The following TRIM9 variants were observed in gnomAD, a reference collection of about 807,000 sequenced individuals.
TRIM9 encodes tripartite motif containing 9, also known as E3 ubiquitin-protein ligase TRIM9.
In TRIM9, 26 loss-of-function variants were observed where a neutral mutation model predicts 78.3. The observed-to-expected ratio is 0.33, with a 90% CI of 0.24 to 0.46. The LOEUF (loss-of-function observed/expected upper bound fraction) is 0.46, where lower values mean the gene tolerates loss of function less well. Among genes scored for constraint, TRIM9 ranks in the 20% least tolerant of loss-of-function variants. The pLI, the probability that TRIM9 is intolerant of heterozygous loss-of-function variation, is 1.00. For synonymous variants in TRIM9, 398 were observed against 416.5 expected (o/e 0.96, Z 0.54); for missense variants, 787 against 1,036.4 (o/e 0.76, Z 3.30).
chr14:51,030,328 G>A (rs1264361288), intron 1 of TRIM9, among the ~76,000 whole-genome samples: 1 of 152,186 alleles, frequency 6.6e-6, no homozygotes, highest in Non-Finnish European at 1.5e-5. Flanking sequence ...TGCACCTTTA[G>A]TGCCTGCAAG....
In TRIM9 at chr14:51,010,453, G is replaced by A. The variant is rs1387563668; in HGVS notation, c.1083C>T (p.Arg361=). The A allele has an allele frequency of 6.2e-7, 1 of 1,613,734 alleles. No individual in the cohort carries two copies. Among genetic ancestry groups the A allele is most frequent in the African/African-American group, 1.3e-5 (1 of 74,840 alleles). ...AGTACTCCATGAGACCTGTGGTCTGGCGCAATTTCACTGTGCAGTGAGAGA... is the reference window on the plus strand; with the variant it reads ...AGTACTCCATGAGACCTGTGGTCTGACGCAATTTCACTGTGCAGTGAGAGA... ...DQISHCTVKL[R]QTTGLMEYCL... Residue 361 remains arginine, a synonymous_variant, in exon 4 of 13, where the codon CGC becomes CGT. Transcript: ENST00000684578.
intron 1 of TRIM9, among the ~76,000 whole-genome samples, chr14:51,039,236 G>A (rs1011422166): frequency 9.2e-5 from 14 of 152,314 alleles, no homozygotes; most frequent in Middle Eastern, 3.4e-3. Flanking sequence ...TACTGAGAGT[G>A]TTAAAATGGT....
At chr14:51,089,672 G>C (rs2064125720) in intron 1 of TRIM9, among the ~76,000 whole-genome samples, 1 of 152,134 alleles carries the variant, frequency 6.6e-6, no homozygotes, top group African/African-American at 2.4e-5. Context: ...ATAAATCTTT[G>C]TATAGTATTC....
At chr14:50,995,773 GA>G (rs71121617) in intron 7 of TRIM9, among the ~76,000 whole-genome samples, 1,853 of 147,726 alleles carry the variant, frequency 0.013, 41 homozygotes, top group African/African-American at 0.043. Flanking sequence ...TACCAGCAAA[GA>G]AAAAAAAAAT....
intron 8 of TRIM9, among the ~76,000 whole-genome samples, chr14:50,984,448 C>T (rs1163691178): frequency 1.3e-5 from 2 of 152,182 alleles, no homozygotes; most frequent in African/African-American, 2.4e-5. Context: ...GATGAATTCA[C>T]ATGCAAAAGA....
intron 7 of TRIM9, chr14:50,988,479 A>G (rs1458662927): frequency 6.6e-6 from 1 of 151,860 alleles, no homozygotes; most frequent in East Asian, 1.9e-4. Flanking sequence ...CTATCCTTCC[A>G]TGTGGATCCA....
intron 8 of TRIM9, 90 bp downstream of exon 8, chr14:50,985,866 C>T: frequency 8.4e-7 from 1 of 1,186,788 alleles, no homozygotes; most frequent in Non-Finnish European, 1.1e-6. Flanking sequence ...CCCCTCACCA[C>T]GCACATGAAT....
At chr14:51,020,375 G>A (rs937943074) in intron 3 of TRIM9, among the ~76,000 whole-genome samples, 1 of 152,176 alleles carries the variant, frequency 6.6e-6, no homozygotes. Context: ...GCTGAAAACA[G>A]CAGAAAAACA....
chr14:51,061,733 T>C (rs554123541), intron 1 of TRIM9, among the ~76,000 whole-genome samples: 1 of 152,370 alleles, frequency 6.6e-6, no homozygotes, highest in South Asian at 2.1e-4. Flanking sequence ...TTTTTTATTA[T>C]GTATTCATTT....
At chr14:51,008,816 G>C (rs1234721550) in intron 5 of TRIM9, among the ~76,000 whole-genome samples, 2 of 152,058 alleles carry the variant, frequency 1.3e-5, no homozygotes, top group Non-Finnish European at 2.9e-5. Flanking sequence ...TTCTCTCTCT[G>C]CTTTCCTCTT....
chr14:51,049,200 T>C (rs1031558691), intron 1 of TRIM9, among the ~76,000 whole-genome samples: 1 of 152,184 alleles, frequency 6.6e-6, no homozygotes, highest in Admixed American at 6.5e-5. Context: ...TAGCTGGGAC[T>C]ACAGGCATGC....
chr14:50,983,108 T>C, intron 9 of TRIM9, 143 bp from the exon 10 acceptor site: 1 of 814,424 alleles, frequency 1.2e-6, no homozygotes, highest in Non-Finnish European at 2.0e-6. Flanking sequence ...AGGTGCTCTC[T>C]GACTTGTACC....
At chr14:51,020,052 ACTC>A (rs1407679328) in intron 3 of TRIM9, among the ~76,000 whole-genome samples, 1 of 151,982 alleles carries the variant, frequency 6.6e-6, no homozygotes, top group East Asian at 1.9e-4. Flanking sequence ...TACACACACA[ACTC>A]CTCTCTTTGT....
At chr14:51,026,104 C>T (rs908242354) in intron 1 of TRIM9, among the ~76,000 whole-genome samples, 18 of 152,320 alleles carry the variant, frequency 1.2e-4, no homozygotes, top group East Asian at 9.6e-4. Context: ...ACAATCCTGA[C>T]GGACGACACC....
At chr14:50,985,884 A>T in intron 8 of TRIM9, 72 bp downstream of exon 8, 2 of 1,323,012 alleles carry the variant, frequency 1.5e-6, no homozygotes, top group East Asian at 5.6e-5. Context: ...AATGGCAAGA[A>T]CAAGACACGC....
Position 50,996,266 on chromosome 14 carries a change from G to A in TRIM9, c.1603+1784C>T, listed in dbSNP as rs566763146. On this transcript the variant is annotated intron_variant, in intron 7 of 12. Transcript: ENST00000684578. Reference sequence around the variant, plus strand: ...TCTTTGTTGGAAGAGAACTTGTTCCGTTTGTTTCATCTAGAAAATGACCCC... The same window carrying A: ...TCTTTGTTGGAAGAGAACTTGTTCCATTTGTTTCATCTAGAAAATGACCCC... 36 of 985,328 alleles carry A rather than the reference G, an allele frequency of 3.7e-5. No individual in the cohort carries two copies. In the South Asian group the frequency reaches 7.0e-4, roughly 19 times the overall value. The allele number at this position is 985,328 out of a possible 1,614,324, so 61.0% of individuals were successfully genotyped here. A position where few individuals can be genotyped will look rare whatever the true frequency, so the allele number is the denominator to read the frequency against.
intron 1 of TRIM9, among the ~76,000 whole-genome samples, chr14:51,068,995 G>C (rs2061983871): frequency 6.6e-6 from 1 of 152,194 alleles, no homozygotes; most frequent in African/African-American, 2.4e-5. Context: ...ATAGAATATA[G>C]AAGAGGGAGA....
intron 3 of TRIM9, among the ~76,000 whole-genome samples, chr14:51,018,846 G>A (rs1263889705): frequency 1.3e-5 from 2 of 152,124 alleles, no homozygotes; most frequent in Admixed American, 1.3e-4. Context: ...TTTTCTTTCA[G>A]ATTATCTTAG....
At chr14:51,008,528 A>G (rs545134704) in intron 5 of TRIM9, among the ~76,000 whole-genome samples, 1 of 152,340 alleles carries the variant, frequency 6.6e-6, no homozygotes, top group East Asian at 1.9e-4. Context: ...GCCCCCACCC[A>G]GAATCTCAAA....
Sources: allele counts gnomAD v4.1 joint callset (sites outside exome capture counted in the v4.1 genomes callset), GRCh38; gene constraint gnomAD v4.1.1; transcripts MANE v1.5; gene names NCBI Gene and HGNC (gene_info 2026-07-23, HGNC 2026-07-21).